Variants in HJURP observed in about 807,000 individuals in gnomAD.
The protein encoded by HJURP is 14-3-3-associated AKT substrate.
HJURP carries 49 observed loss-of-function variants against 72.0 expected under a neutral mutation model. The ratio of observed to expected loss-of-function variants is 0.68; its 90% CI spans 0.54 to 0.86. The LOEUF (loss-of-function observed/expected upper bound fraction) is 0.86, where lower values mean the gene tolerates loss of function less well. HJURP is among the 40% of genes least tolerant of loss of function. The probability of loss-of-function intolerance (pLI) is 0.00; values close to 1 mark genes in which losing one functional copy is unlikely to be tolerated. For missense variants in HJURP, 908 were observed against 936.3 expected (o/e 0.97, Z 0.39); for synonymous variants, 357 against 347.1 (o/e 1.03, Z -0.32).
intron 7 of HJURP, among the ~76,000 whole-genome samples, chr2:233,843,006 C>T (rs906131189): frequency 6.6e-6 from 1 of 152,076 alleles, no homozygotes. Context: ...GTTACTTGAG[C>T]GTCAAATTGC....
At chr2:233,847,665 A>T (rs1210392458) in intron 4 of HJURP, among the ~76,000 whole-genome samples, 1 of 152,164 alleles carries the variant, frequency 6.6e-6, no homozygotes, top group East Asian at 1.9e-4. Context: ...GCCTGGGGCC[A>T]TGGAGTGAGG....
chr2:233,854,331 G>T, intron 1 of HJURP, 53 bp downstream of exon 1: 1 of 1,317,838 alleles, frequency 7.6e-7, no homozygotes, highest in Non-Finnish European at 1.1e-6. Flanking sequence ...TCCCCTCCCA[G>T]CCTCACTCCG....
In HJURP at chr2:233,841,346, C is replaced by G. The variant is rs147745287; in HGVS notation, c.1434G>C (p.Gln478His). The G allele has an allele frequency of 3.2e-5, 52 of 1,614,024 alleles. No homozygotes were observed. The highest frequency in any genetic ancestry group is 4.3e-5 in the Non-Finnish European group (51 of 1,180,032). The change falls in exon 8 of 9, where the codon CAG (glutamine) becomes CAC (histidine). Residue 478 changes from glutamine to histidine, a missense_variant. Physicochemically the swap from Gln to His is conservative, Grantham distance 24 (BLOSUM62 0). Coordinates refer to ENST00000411486, the MANE Select transcript of HJURP (RefSeq NM_018410.5). ...AACTCAGCCTGCGGGTTTCTAAGCC[C>G]TGAAGGCCACCAGGACTCGCAGGAC... ...RGGPASPGGLQGLETRRLSLP... is the reference protein window; with the variant it reads ...RGGPASPGGLHGLETRRLSLP...
At chr2:233,848,621 C>T (rs1705426522) in intron 4 of HJURP, among the ~76,000 whole-genome samples, 1 of 152,160 alleles carries the variant, frequency 6.6e-6, no homozygotes, top group Non-Finnish European at 1.5e-5. Context: ...AGAGGGAAGA[C>T]GGCAGGGGCC....
rs1212503170 is a variant in HJURP, at chr2:233,849,809, T to G, written c.291A>C (p.Ala97=). The G allele has an allele frequency of 2.6e-5, 41 of 1,555,078 alleles. No individual in the cohort carries two copies. The highest frequency in any genetic ancestry group is 3.4e-5 in the Non-Finnish European group (39 of 1,148,806). The change falls in exon 4 of 9, where the codon GCA becomes GCC. Residue 97 remains alanine (A), a synonymous_variant. Coordinates refer to ENST00000411486, the MANE Select transcript of HJURP (RefSeq NM_018410.5). The stretch of plus-strand genomic sequence containing the variant: ...GCGAGGGAAGCTCAGGACCCCAGGC[T>G]GCAGCTTGCACGGAGCCATCTGTCC... ...ADRTDGSVQA[A]AWGPELPSHR...
Position 233,849,809 on chromosome 2 carries a change from T to A in HJURP, c.291A>T (p.Ala97=). 1 of 1,555,196 alleles carries A rather than the reference T, an allele frequency of 6.4e-7. No homozygotes were observed. The highest frequency in any genetic ancestry group is 1.2e-5 in the South Asian group (1 of 84,294). The change falls in exon 4 of 9, where the codon GCA becomes GCT. Residue 97 remains alanine (A), a synonymous_variant. Transcript: ENST00000411486. ...ADRTDGSVQA[A]AWGPELPSHR... ...GCGAGGGAAGCTCAGGACCCCAGGCTGCAGCTTGCACGGAGCCATCTGTCC... is the reference window on the plus strand; with the variant it reads ...GCGAGGGAAGCTCAGGACCCCAGGCAGCAGCTTGCACGGAGCCATCTGTCC...
At chr2:233,849,525 T>A (rs1329092582) in intron 4 of HJURP, among the ~76,000 whole-genome samples, 1 of 152,164 alleles carries the variant, frequency 6.6e-6, no homozygotes, top group Non-Finnish European at 1.5e-5. Context: ...GAGGGGCATG[T>A]TTATTTACTC....
At chr2:233,838,944 G>A (rs1199608671) in intron 8 of HJURP, among the ~76,000 whole-genome samples, 1 of 152,198 alleles carries the variant, frequency 6.6e-6, no homozygotes, top group Non-Finnish European at 1.5e-5. Flanking sequence ...CCGAGGGAAA[G>A]ACTGCTGTTA....
rs145305256 is a variant in HJURP, at chr2:233,844,218, G to T, written c.561C>A (p.Ala187=). Residue 187 remains alanine, a synonymous_variant, in exon 7 of 9, where the codon GCC becomes GCA. Coordinates refer to ENST00000411486, the MANE Select transcript of HJURP (RefSeq NM_018410.5). The part of the protein sequence containing the change: ...VTPLPSLASP[A]VPAPGYCSRI... ...TGTCACACTCACCGGGGGCAGGCAC[G>T]GCAGGTGAGGCCAGTGAAGGCAGCG... 2 of 1,613,926 alleles carry T rather than the reference G, an allele frequency of 1.2e-6. No homozygotes were observed. Among genetic ancestry groups the T allele is most frequent in the Non-Finnish European group, 8.5e-7 (1 of 1,179,790 alleles).
Position 233,846,292 on chromosome 2 carries a change from C to T in HJURP, c.403-472G>A, listed in dbSNP as rs890847117. ...ACATGGTGAAAGTCCATCTCTACTA[C>T]AATACAAAAATTAGCTGGGCATGGT... On this transcript the variant is annotated intron_variant, in intron 5 of 8. Transcript: ENST00000411486. This position sits in a 1 kb window ranked among gnomAD's most constrained non-coding sequence, Gnocchi z 4.3. Among the ~76,000 whole-genome samples, 5 of 151,896 alleles carry T rather than the reference C, an allele frequency of 3.3e-5. No homozygotes were observed. The highest frequency in any genetic ancestry group is 1.2e-4 in the African/African-American group (5 of 41,336).
intron 8 of HJURP, 74 bp downstream of exon 8, chr2:233,840,535 C>G: frequency 7.0e-7 from 1 of 1,427,946 alleles, no homozygotes; most frequent in Non-Finnish European, 9.5e-7. Context: ...CGCAAAGATT[C>G]CTACCATAAA....
At chr2:233,847,648 G>A (rs1043716194) in intron 4 of HJURP, among the ~76,000 whole-genome samples, 187 bp from the exon 5 acceptor site, 22 of 152,176 alleles carry the variant, frequency 1.4e-4, no homozygotes, top group African/African-American at 5.1e-4. Context: ...CCCTAGAATG[G>A]GAAACTGCCT....
intron 2 of HJURP, 117 bp from the exon 3 acceptor site, chr2:233,852,737 A>C: frequency 1.4e-6 from 1 of 714,042 alleles, no homozygotes; most frequent in Non-Finnish European, 2.4e-6. Context: ...TATTAAAACC[A>C]AGCCAGGTTT....
intron 8 of HJURP, 55 bp from the exon 9 acceptor site, chr2:233,837,707 A>G (rs1705112857): frequency 2.7e-6 from 3 of 1,125,286 alleles, no homozygotes; most frequent in African/African-American, 1.6e-5. Flanking sequence ...AGAATTCCCA[A>G]TGCCAGCCAC....
At chr2:233,853,625 C>A (rs764612891) in intron 2 of HJURP, among the ~76,000 whole-genome samples, 31 of 152,222 alleles carry the variant, frequency 2.0e-4, no homozygotes, top group Admixed American at 2.0e-3. Flanking sequence ...GGGATGCCAA[C>A]CCGGTAAGCC....
Position 233,837,267 on chromosome 2 carries a change from T to G in HJURP, c.*310A>C, listed in dbSNP as rs894225222. The G allele has an allele frequency of 5.8e-5, 19 of 326,772 alleles. No homozygotes were observed. The highest frequency in any genetic ancestry group is 1.0e-4 in the Non-Finnish European group (18 of 179,096). 20.2% of individuals were successfully genotyped at this position (326,772 alleles called of 1,614,324 possible). On this transcript the variant is annotated 3_prime_UTR_variant, in exon 9 of 9. Transcript: ENST00000411486. ...TGCCACCGCACTCCAGCCTGGGCGATAGAGAGAGACTGTCTCAAAAACAAA... is the reference window on the plus strand; with the variant it reads ...TGCCACCGCACTCCAGCCTGGGCGAGAGAGAGAGACTGTCTCAAAAACAAA...
chr2:233,841,672 A>T lies in HJURP; in HGVS notation c.1108T>A (p.Leu370Ile), dbSNP rs1705234273. 6 of 1,614,218 alleles carry T rather than the reference A, an allele frequency of 3.7e-6. No homozygotes were observed. The highest frequency in any genetic ancestry group is 5.1e-6 in the Non-Finnish European group (6 of 1,180,030). ...LEVNRPQIHK[L>I]DPSWKERKVT... is the part of the protein sequence containing the mutation. ...TTGCGCTCCTTCCAACTTGGATCTA[A>T]CTTATGGATTTGGGGTCTGTTGACT... Residue 370 changes from leucine (L) to isoleucine (I), a missense_variant, in exon 8 of 9, where the codon TTA (leucine) becomes ATA (isoleucine). Physicochemically the swap from Leu to Ile is conservative, Grantham distance 5. Around this residue, in one of 3 missense-constraint regions of HJURP, gnomAD observed 598 missense variants for 619.5 expected, o/e 0.97. Coordinates refer to ENST00000411486, the MANE Select transcript of HJURP (RefSeq NM_018410.5).
At chr2:233,842,494 C>T (rs921815588) in intron 7 of HJURP, among the ~76,000 whole-genome samples, 1 of 152,020 alleles carries the variant, frequency 6.6e-6, no homozygotes, top group Non-Finnish European at 1.5e-5. Flanking sequence ...AAAATGACAA[C>T]ACTGTTTACC....
At chr2:233,843,735 C>T (rs28900708) in intron 7 of HJURP, among the ~76,000 whole-genome samples, 4,312 of 152,170 alleles carry the variant, frequency 0.028, 191 homozygotes, top group African/African-American at 0.097. Flanking sequence ...AGAACAGTAC[C>T]GCATCAATGT....
Sources: gnomAD v4.1 joint callset for allele counts (sites outside exome capture counted in the v4.1 genomes callset) on GRCh38, gnomAD v4.1.1 for gene constraint, gnomAD v4.1.1 regional missense constraint, Gnocchi (gnomAD v3.1) non-coding constraint, MANE v1.5 for transcripts, NCBI Gene and HGNC (gene_info 2026-07-23, HGNC 2026-07-21) for gene names.